The following TTC7B variants were observed in gnomAD, a reference collection of about 807,000 sequenced individuals.
The protein encoded by TTC7B is tetratricopeptide repeat protein 7B.
A neutral mutation model predicts 106.8 loss-of-function variants in TTC7B; 28 were observed. The observed-to-expected ratio is 0.26, with a 90% confidence interval of 0.19 to 0.36. The LOEUF is 0.36. Ranked by LOEUF, TTC7B falls within the 10% of genes least tolerant of loss-of-function variation. The probability of loss-of-function intolerance (pLI) is 1.00; values close to 1 mark genes in which losing one functional copy is unlikely to be tolerated. For synonymous variants in TTC7B, 405 were observed against 430.6 expected (o/e 0.94, Z 0.74); for missense variants, 862 against 1,076.4 (o/e 0.80, Z 2.79).
chr14:90,615,752 T>A (rs1303294821), intron 16 of TTC7B, among the ~76,000 whole-genome samples: 1 of 152,206 alleles, frequency 6.6e-6, no homozygotes, highest in African/African-American at 2.4e-5. Context: ...GAGAAACATT[T>A]ATTTCTATCC....
At chr14:90,626,729 T>A (rs1464063403) in intron 15 of TTC7B, among the ~76,000 whole-genome samples, 1 of 152,210 alleles carries the variant, frequency 6.6e-6, no homozygotes, top group Admixed American at 6.5e-5. Context: ...ACCGTGTCTA[T>A]ATGCTTTTCA....
chr14:90,682,285 T>C (rs1414650351), intron 7 of TTC7B, among the ~76,000 whole-genome samples: 1 of 152,218 alleles, frequency 6.6e-6, no homozygotes, highest in Non-Finnish European at 1.5e-5. Flanking sequence ...GTTTGTGTTA[T>C]TTTTACCATA....
At chr14:90,814,655 G>A (rs1372041743) in intron 1 of TTC7B, among the ~76,000 whole-genome samples, 1 of 152,170 alleles carries the variant, frequency 6.6e-6, no homozygotes, top group East Asian at 1.9e-4. Flanking sequence ...TGCCTACACC[G>A]CTGGGAAGCC....
intron 15 of TTC7B, among the ~76,000 whole-genome samples, chr14:90,631,329 G>A (rs1884693410): frequency 6.6e-6 from 1 of 152,030 alleles, no homozygotes; most frequent in Non-Finnish European, 1.5e-5. Flanking sequence ...ACCCAGAAGT[G>A]GGACTGCTGG....
intron 11 of TTC7B, among the ~76,000 whole-genome samples, chr14:90,655,540 C>T (rs1885912859): frequency 6.6e-6 from 1 of 152,120 alleles, no homozygotes; most frequent in South Asian, 2.1e-4. Flanking sequence ...TCCATTTAGG[C>T]TTGGATTCTC....
At chr14:90,595,298 A>C (rs1182563370) in intron 17 of TTC7B, among the ~76,000 whole-genome samples, 1 of 152,044 alleles carries the variant, frequency 6.6e-6, no homozygotes, top group East Asian at 1.9e-4. Context: ...GCTCCATTGC[A>C]CTCCAGCCTG....
chr14:90,719,518 C>G (rs1214728884), intron 5 of TTC7B, among the ~76,000 whole-genome samples: 1 of 152,106 alleles, frequency 6.6e-6, no homozygotes, highest in African/African-American at 2.4e-5. Context: ...CTTGGAAGAC[C>G]CTGAAGACGT....
chr14:90,599,475 C>T (rs144937748), intron 17 of TTC7B, among the ~76,000 whole-genome samples: 48 of 152,300 alleles, frequency 3.2e-4, no homozygotes, highest in Middle Eastern at 3.4e-3. Flanking sequence ...ACATCCTCTA[C>T]CAAAAGATGT....
intron 11 of TTC7B, among the ~76,000 whole-genome samples, chr14:90,655,652 C>T (rs952225438): frequency 1.3e-5 from 2 of 152,080 alleles, no homozygotes; most frequent in African/African-American, 2.4e-5. Context: ...AAATGTGCAC[C>T]TGTAAACTAC....
intron 3 of TTC7B, among the ~76,000 whole-genome samples, chr14:90,752,971 C>T (rs545487668): frequency 1.3e-5 from 2 of 152,198 alleles, no homozygotes; most frequent in East Asian, 3.8e-4. Context: ...CTAGGCAATT[C>T]CCCAGATCGC....
chr14:90,554,555 G>A (rs1352091500), intron 19 of TTC7B, among the ~76,000 whole-genome samples: 5 of 152,282 alleles, frequency 3.3e-5, no homozygotes, highest in East Asian at 3.9e-4. Context: ...TGCCAGGTGC[G>A]GGGAACTCAG....
intron 16 of TTC7B, among the ~76,000 whole-genome samples, chr14:90,616,444 G>C (rs994586271): frequency 2.6e-5 from 4 of 152,156 alleles, no homozygotes; most frequent in African/African-American, 9.7e-5. Flanking sequence ...CCAAGCGAAG[G>C]GCGGGTGCGC....
chr14:90,556,727 T>G (rs1425420028), intron 19 of TTC7B, among the ~76,000 whole-genome samples: 6 of 152,044 alleles, frequency 3.9e-5, no homozygotes, highest in Non-Finnish European at 7.4e-5. Flanking sequence ...GCCCCTGCAC[T>G]TTGGGGAAGG....
In TTC7B at chr14:90,602,859, C is replaced by T. The variant is rs1284482706; in HGVS notation, c.1966+7883G>A. ...GCAACAATAATGGTTGGATTAATTA[C>T]AAAAATTTCAAGATCCAACTGGTTC... is the stretch of plus-strand genomic sequence containing the variant. On this transcript the variant is annotated intron_variant, in intron 17 of 19. Coordinates refer to ENST00000328459, the MANE Select transcript of TTC7B (RefSeq NM_001010854.2). Among the ~76,000 whole-genome samples the T allele has an allele frequency of 3.3e-5, 5 of 152,226 alleles. No homozygotes were observed. The East Asian group carries it at 7.7e-4, about 23-fold the overall frequency.
At chr14:90,596,547 T>C (rs910390982) in intron 17 of TTC7B, among the ~76,000 whole-genome samples, 2 of 152,192 alleles carry the variant, frequency 1.3e-5, no homozygotes, top group Non-Finnish European at 2.9e-5. Flanking sequence ...ACACAAACAC[T>C]AGTCTGATTC....
chr14:90,599,427 A>C (rs948885354), intron 17 of TTC7B, among the ~76,000 whole-genome samples: 3 of 152,184 alleles, frequency 2.0e-5, no homozygotes, highest in Non-Finnish European at 2.9e-5. Context: ...TTCCAGTGCC[A>C]GGAACGACGG....
At chr14:90,635,638 T>C (rs1884900973) in intron 15 of TTC7B, among the ~76,000 whole-genome samples, 1 of 151,376 alleles carries the variant, frequency 6.6e-6, no homozygotes, top group African/African-American at 2.4e-5. Flanking sequence ...TGGACACCTG[T>C]AGTCCCAGCT....
intron 17 of TTC7B, among the ~76,000 whole-genome samples, chr14:90,598,229 C>T (rs1892289901): frequency 6.6e-6 from 1 of 152,228 alleles, no homozygotes; most frequent in South Asian, 2.1e-4. Context: ...TGAGAGCTCG[C>T]TCTGAAATCT....
intron 5 of TTC7B, among the ~76,000 whole-genome samples, chr14:90,701,954 T>C (rs1888009510): frequency 6.6e-6 from 1 of 152,044 alleles, no homozygotes. Context: ...TTAACCCTAA[T>C]GGTATCCAAA....
Sources: allele counts gnomAD v4.1 joint callset (sites outside exome capture counted in the v4.1 genomes callset), GRCh38; gene constraint gnomAD v4.1.1; transcripts MANE v1.5; gene names NCBI Gene and HGNC (gene_info 2026-07-23, HGNC 2026-07-21).